Variants in SCN2A observed in about 807,000 individuals in gnomAD.
The protein encoded by SCN2A is sodium channel protein type 2 subunit alpha.
Under a neutral mutation model 188.7 loss-of-function variants are expected in SCN2A, and 20 were observed. The observed-to-expected ratio is 0.11, with a 90% confidence interval of 0.07 to 0.15. The LOEUF (loss-of-function observed/expected upper bound fraction) is 0.15, where lower values mean the gene tolerates loss of function less well. Among genes scored for constraint, SCN2A ranks in the 10% least tolerant of loss-of-function variants. The pLI, the probability that SCN2A is intolerant of heterozygous loss-of-function variation, is 1.00. For missense variants in SCN2A, 1,278 were observed against 2,445.0 expected (o/e 0.52, Z 10.07); for synonymous variants, 804 against 833.1 (o/e 0.97, Z 0.60).
At chr2:165,330,668 A>G (rs1214896971) in intron 13 of SCN2A, among the ~76,000 whole-genome samples, 6 of 152,168 alleles carry the variant, frequency 3.9e-5, no homozygotes, top group Non-Finnish European at 8.8e-5. Context: ...TTCCAGTAAT[A>G]AATGAGTTCC....
In SCN2A at chr2:165,389,202, A is replaced by T; in HGVS notation, c.5396A>T (p.Tyr1799Phe). Residue 1799 changes from tyrosine to phenylalanine, a missense_variant, in exon 27 of 27, where the codon TAT becomes TTT. This residue lies in a region of SCN2A where 54 missense variants were observed against 135.4 expected (regional missense o/e 0.40). Transcript: ENST00000375437. The surrounding 1 kb of genome is among the most constrained non-coding windows in gnomAD (Gnocchi z 4.2). ...PLSEDDFEMFYEVWEKFDPDA... is the reference protein window; with the variant it reads ...PLSEDDFEMFFEVWEKFDPDA... ...AGTGAGGATGACTTTGAGATGTTCTATGAGGTTTGGGAGAAGTTTGATCCC... is the reference window on the plus strand; with the variant it reads ...AGTGAGGATGACTTTGAGATGTTCTTTGAGGTTTGGGAGAAGTTTGATCCC... 1 of 1,614,058 alleles carries T rather than the reference A, an allele frequency of 6.2e-7. No homozygotes were observed. Among genetic ancestry groups the T allele is most frequent in the Non-Finnish European group, 8.5e-7 (1 of 1,179,984 alleles).
Position 165,380,967 on chromosome 2 carries a change from T to C in SCN2A, c.4447-126T>C, listed in dbSNP as rs1304554998. 4.2e-6 allele frequency: 3 copies of C among 721,828 alleles called. No homozygotes were observed. The African/African-American group carries it at 5.4e-5, about 13-fold the overall frequency. The allele number at this position is 721,828 out of a possible 1,614,324, so 44.7% of individuals were successfully genotyped here. On this transcript the variant is annotated intron_variant, in intron 24 of 26. Coordinates refer to ENST00000375437, the MANE Select transcript of SCN2A (RefSeq NM_001040142.2). ...AATTTATATATTGAATAAAGGCATC[T>C]CTATAAATACAGATATTAGTAACAA...
rs192887453 is a variant in SCN2A, at chr2:165,390,805, C to T, written c.*981C>T. 4 of 152,490 alleles carry T rather than the reference C, an allele frequency of 2.6e-5. No homozygotes were observed. In the East Asian group the frequency reaches 5.8e-4, roughly 22 times the overall value. The allele number at this position is 152,490 out of a possible 1,614,324, so 9.4% of individuals were successfully genotyped here. Reference sequence around the variant, plus strand: ...AAGCCTGAATTGACCAAAAAACATCCCCACCACCACTTTATAAAGTTGATT... The same window carrying T: ...AAGCCTGAATTGACCAAAAAACATCTCCACCACCACTTTATAAAGTTGATT... On this transcript the variant is annotated 3_prime_UTR_variant, in exon 27 of 27. Transcript: ENST00000375437.
At chr2:165,254,961 T>C (rs1352266568) in intron 1 of SCN2A, among the ~76,000 whole-genome samples, 1 of 151,946 alleles carries the variant, frequency 6.6e-6, no homozygotes, top group Non-Finnish European at 1.5e-5. Flanking sequence ...TTTTTGTTTG[T>C]ATTTGTTGAT....
In SCN2A at chr2:165,358,046, G is replaced by A. The variant is rs180951350; in HGVS notation, c.3399+3375G>A. ...TCTGACAACCCTAACTTAAAAAAAA[G>A]TGATTTAGCTGCTAATTTTCTTACA... is the stretch of plus-strand genomic sequence containing the variant. On this transcript the variant is annotated intron_variant, in intron 17 of 26. Coordinates refer to ENST00000375437, the MANE Select transcript of SCN2A (RefSeq NM_001040142.2). 1.1e-3 allele frequency among the ~76,000 whole-genome samples: 162 copies of A among 152,216 alleles called. 3 individuals carry two copies. Among genetic ancestry groups the A allele is most frequent in the Admixed American group, 8.9e-3 (136 of 15,278 alleles).
At chr2:165,341,384 C>T (rs936893259) in intron 14 of SCN2A, among the ~76,000 whole-genome samples, 2 of 152,322 alleles carry the variant, frequency 1.3e-5, no homozygotes, top group East Asian at 3.9e-4. Context: ...TGAGCCACCG[C>T]GCCCGGCCCA....
intron 1 of SCN2A, among the ~76,000 whole-genome samples, chr2:165,284,831 A>G (rs978180179): frequency 6.6e-6 from 1 of 152,158 alleles, no homozygotes; most frequent in Non-Finnish European, 1.5e-5. Context: ...ATGTAATCAG[A>G]TTAGAGGTGG....
At chr2:165,272,279 A>T (rs529324079) in intron 1 of SCN2A, 2 of 152,204 alleles carry the variant, frequency 1.3e-5, no homozygotes, top group African/African-American at 4.8e-5. Flanking sequence ...TGGTCATTTT[A>T]TTGGGGAAAA....
At chr2:165,309,489 G>A (rs772746212) in intron 6 of SCN2A, 46 bp downstream of exon 6, 7 of 1,607,704 alleles carry the variant, frequency 4.4e-6, no homozygotes, top group Non-Finnish European at 6.0e-6. Context: ...CTACAGTGGT[G>A]CTACAATCAC....
At chr2:165,293,586 C>T (rs1019469193) in intron 1 of SCN2A, among the ~76,000 whole-genome samples, 4 of 152,176 alleles carry the variant, frequency 2.6e-5, no homozygotes, top group South Asian at 4.2e-4. Flanking sequence ...TAATCTTATG[C>T]GACCACTGTC....
At chr2:165,299,389 T>G (rs1696680611) in intron 3 of SCN2A, among the ~76,000 whole-genome samples, 1 of 152,178 alleles carries the variant, frequency 6.6e-6, no homozygotes, top group Admixed American at 6.5e-5. Context: ...GCAAATCTAT[T>G]AAGGTATGCC....
At chr2:165,287,012 T>C (rs972137951) in intron 1 of SCN2A, among the ~76,000 whole-genome samples, 2 of 152,112 alleles carry the variant, frequency 1.3e-5, no homozygotes, top group African/African-American at 4.8e-5. Context: ...CCTTGCCTCG[T>C]TGGAGGAAAG....
chr2:165,242,736 TAG>T, intron 1 of SCN2A, among the ~76,000 whole-genome samples: 1 of 151,954 alleles, frequency 6.6e-6, no homozygotes, highest in African/African-American at 2.4e-5. Flanking sequence ...ATGAAGTCAG[TAG>T]AGAGAAAATT....
At chr2:165,376,001 A>G (rs1198862756) in intron 22 of SCN2A, among the ~76,000 whole-genome samples, 1 of 151,934 alleles carries the variant, frequency 6.6e-6, no homozygotes, top group Non-Finnish European at 1.5e-5. Context: ...TCTAAAAAAC[A>G]CAAACTCACA....
intron 16 of SCN2A, among the ~76,000 whole-genome samples, chr2:165,345,625 A>G (rs774776483): frequency 6.6e-6 from 1 of 150,544 alleles, no homozygotes; most frequent in Non-Finnish European, 1.5e-5. Flanking sequence ...TGCATGTGAG[A>G]TGGGTCACAG....
chr2:165,252,847 C>CT (rs958758492), intron 1 of SCN2A, among the ~76,000 whole-genome samples: 4 of 151,570 alleles, frequency 2.6e-5, no homozygotes, highest in Non-Finnish European at 5.9e-5. Context: ...CCTTGAGGGA[C>CT]TATGTAAGGG....
rs80124300 is a variant in SCN2A at position 165,280,378 on chromosome 2, C to T, written c.-51-15395C>T. On this transcript the variant is annotated intron_variant, in intron 1 of 26. Coordinates refer to ENST00000375437, the MANE Select transcript of SCN2A (RefSeq NM_001040142.2). Reference sequence around the variant, plus strand: ...GTTCTCATTAGTAAAATAAACATCACGTTGCTTCACCCAAACTAGATCACC... The same window carrying T: ...GTTCTCATTAGTAAAATAAACATCATGTTGCTTCACCCAAACTAGATCACC... 6.7e-4 allele frequency among the ~76,000 whole-genome samples: 102 copies of T among 152,270 alleles called. 2 individuals carry two copies. The East Asian group carries it at 0.019, about 28-fold the overall frequency.
At chr2:165,286,725 A>G (rs376140749) in intron 1 of SCN2A, among the ~76,000 whole-genome samples, 10 of 152,188 alleles carry the variant, frequency 6.6e-5, no homozygotes, top group African/African-American at 1.9e-4. Context: ...GCCTGGATGA[A>G]CACAGGGTGT....
chr2:165,329,916 A>G (rs1698584545), intron 13 of SCN2A, among the ~76,000 whole-genome samples: 1 of 152,228 alleles, frequency 6.6e-6, no homozygotes, highest in Non-Finnish European at 1.5e-5. Flanking sequence ...GGGCACTTGA[A>G]GAATTTCAAT....
Sources: gnomAD v4.1 joint callset for allele counts (sites outside exome capture counted in the v4.1 genomes callset) on GRCh38, gnomAD v4.1.1 for gene constraint, gnomAD v4.1.1 regional missense constraint, Gnocchi (gnomAD v3.1) non-coding constraint, MANE v1.5 for transcripts, NCBI Gene and HGNC (gene_info 2026-07-23, HGNC 2026-07-21) for gene names.